Variants in NCKAP5 observed in about 807,000 individuals in gnomAD.
NCKAP5 encodes the protein nck-associated protein 5.
A neutral mutation model predicts 167.0 loss-of-function variants in NCKAP5; 92 were observed. That is an observed-to-expected ratio of 0.55 (90% CI 0.47 to 0.66). NCKAP5 has a LOEUF of 0.66. Ranked by LOEUF, NCKAP5 falls within the 30% of genes least tolerant of loss-of-function variation. NCKAP5 has a pLI of 0.00. For synonymous variants in NCKAP5, 891 were observed against 877.4 expected (o/e 1.02, Z -0.27); for missense variants, 2,378 against 2,315.0 (o/e 1.03, Z -0.56).
At chr2:132,762,629 T>C (rs116069415) in intron 16 of NCKAP5, among the ~76,000 whole-genome samples, 1,648 of 152,298 alleles carry the variant, frequency 0.011, 32 homozygotes, top group African/African-American at 0.038. Flanking sequence ...CTCGTAGGGC[T>C]GCAGGTCTGC....
chr2:133,511,724 G>A (rs1346814239), intron 3 of NCKAP5, among the ~76,000 whole-genome samples: 1 of 152,194 alleles, frequency 6.6e-6, no homozygotes, highest in African/African-American at 2.4e-5. Context: ...AGAAATAATA[G>A]ACAAGTTAGG....
chr2:132,940,829 G>A (rs1187892211), intron 8 of NCKAP5, among the ~76,000 whole-genome samples: 1 of 151,650 alleles, frequency 6.6e-6, no homozygotes, highest in Non-Finnish European at 1.5e-5. Flanking sequence ...TGGAAGAGAG[G>A]TGTTAAGAAG....
chr2:133,263,427 A>G (rs1288346244), intron 4 of NCKAP5, among the ~76,000 whole-genome samples: 1 of 152,044 alleles, frequency 6.6e-6, no homozygotes, highest in Non-Finnish European at 1.5e-5. Flanking sequence ...TCTGTTATCT[A>G]GTCATACCCA....
intron 11 of NCKAP5, among the ~76,000 whole-genome samples, chr2:132,856,348 G>A (rs545615313): frequency 7.9e-5 from 12 of 151,430 alleles, no homozygotes; most frequent in Non-Finnish European, 1.3e-4. Flanking sequence ...AAAAAAAAGC[G>A]GAACAAGTAG....
chr2:133,475,943 C>G (rs1679844227), intron 3 of NCKAP5, among the ~76,000 whole-genome samples: 1 of 152,226 alleles, frequency 6.6e-6, no homozygotes, highest in Non-Finnish European at 1.5e-5. Flanking sequence ...CCTATTTAAT[C>G]CAAAGAAACC....
chr2:133,123,546 C>A, intron 6 of NCKAP5: 1 of 251,664 alleles, frequency 4.0e-6, no homozygotes, highest in African/African-American at 2.2e-5. Context: ...GATGAGAGGC[C>A]CCAATTTTTA....
intron 5 of NCKAP5, among the ~76,000 whole-genome samples, chr2:133,131,420 CT>C (rs2082599328): frequency 6.6e-6 from 1 of 152,258 alleles, no homozygotes; most frequent in South Asian, 2.1e-4. Context: ...TAGGTCTTTA[CT>C]TTTTCTACTG....
At chr2:132,752,815 T>C (rs4954356) in intron 16 of NCKAP5, among the ~76,000 whole-genome samples, 3 of 151,992 alleles carry the variant, frequency 2.0e-5, no homozygotes, top group East Asian at 1.9e-4. Flanking sequence ...GAGAGCCGAT[T>C]TGTTATTCTA....
chr2:133,085,328 C>A (rs1272719785), intron 6 of NCKAP5, among the ~76,000 whole-genome samples: 6 of 152,046 alleles, frequency 3.9e-5, no homozygotes, highest in South Asian at 4.1e-4. Context: ...AATCACAAAG[C>A]AGTAATGGTC....
chr2:133,577,335 C>T, the NCKAP5 span, among the ~76,000 whole-genome samples: 4 of 152,132 alleles, frequency 2.6e-5, no homozygotes, highest in African/African-American at 7.2e-5. Context: ...CACATGAATA[C>T]AAAAGTACCT....
At chr2:133,264,252 T>A (rs911767032) in intron 4 of NCKAP5, among the ~76,000 whole-genome samples, 3 of 152,264 alleles carry the variant, frequency 2.0e-5, no homozygotes, top group African/African-American at 7.2e-5. Context: ...ATTTGCAATA[T>A]TTTTCTTTTT....
intron 6 of NCKAP5, among the ~76,000 whole-genome samples, chr2:133,027,137 C>T (rs1337317072): frequency 6.6e-6 from 1 of 152,168 alleles, no homozygotes; most frequent in Non-Finnish European, 1.5e-5. Context: ...CCTGTACCTA[C>T]TTCCCCCATG....
Position 132,784,896 on chromosome 2 carries a change from G to T in NCKAP5, c.1915C>A (p.Pro639Thr), listed in dbSNP as rs536617987. The change falls in exon 14 of 20, where the codon CCC becomes ACC. Residue 639 changes from proline (P) to threonine (T), a missense_variant. By Grantham distance (38) the Pro-to-Thr change is conservative. Transcript: ENST00000409261. ...GSPEEEEKQV[P>T]IPSETRPKTF... ...TTTGGCCTAGTCTCTGAAGGGATGG[G>T]CACTTGTTTTTCCTCCTCTTCAGGA... 1.2e-5 allele frequency: 19 copies of T among 1,568,280 alleles called. No homozygotes were observed. The South Asian group carries it at 2.1e-4, about 17-fold the overall frequency.
At chr2:133,124,267 A>G (rs919855070) in intron 6 of NCKAP5, among the ~76,000 whole-genome samples, 1 of 152,200 alleles carries the variant, frequency 6.6e-6, no homozygotes, top group East Asian at 1.9e-4. Flanking sequence ...AACCTTAATT[A>G]TTCCCCCTTA....
At chr2:132,960,557 C>T (rs1413425855) in intron 8 of NCKAP5, among the ~76,000 whole-genome samples, 1 of 152,098 alleles carries the variant, frequency 6.6e-6, no homozygotes, top group Non-Finnish European at 1.5e-5. Flanking sequence ...AAAGGGGGCT[C>T]TGTTTCATAA....
At chr2:133,625,637 G>A in the NCKAP5 span, among the ~76,000 whole-genome samples, 2 of 152,088 alleles carry the variant, frequency 1.3e-5, no homozygotes, top group Non-Finnish European at 2.9e-5. Context: ...TTGGGAGGCC[G>A]AGACGGGCGG....
intron 19 of NCKAP5, among the ~76,000 whole-genome samples, chr2:132,703,740 T>C (rs986794652): frequency 2.0e-5 from 3 of 152,208 alleles, no homozygotes; most frequent in African/African-American, 7.2e-5. Context: ...ACTTATTTTG[T>C]ATAAGTATTG....
intron 6 of NCKAP5, among the ~76,000 whole-genome samples, chr2:133,015,594 G>A (rs188817869): frequency 3.9e-5 from 6 of 152,276 alleles, no homozygotes; most frequent in African/African-American, 1.2e-4. Context: ...CATGTTGAAT[G>A]TGCATCATCT....
intron 2 of NCKAP5, among the ~76,000 whole-genome samples, chr2:133,555,623 G>T (rs940009926): frequency 2.0e-5 from 3 of 152,174 alleles, no homozygotes; most frequent in African/African-American, 7.2e-5. Flanking sequence ...CTTAGTCATA[G>T]TGCTGCTTTC....
Sources: allele counts gnomAD v4.1 joint callset (sites outside exome capture counted in the v4.1 genomes callset), GRCh38; gene constraint gnomAD v4.1.1; transcripts MANE v1.5; gene names NCBI Gene and HGNC (gene_info 2026-07-23, HGNC 2026-07-21).